The following DMD variants were observed in gnomAD, a reference collection of about 807,000 sequenced individuals.
DMD encodes the protein dystrophin.
In DMD, 63 loss-of-function variants were observed where a neutral mutation model predicts 330.1. That is an observed-to-expected ratio of 0.19 (90% CI 0.16 to 0.24). The LOEUF (loss-of-function observed/expected upper bound fraction) is 0.24. Ranked by LOEUF, DMD falls within the 10% of genes least tolerant of loss-of-function variation. The probability of loss-of-function intolerance (pLI) is 1.00; values close to 1 mark genes in which losing one functional copy is unlikely to be tolerated. For missense variants in DMD, 3,344 were observed against 2,684.1 expected, an observed-to-expected ratio of 1.25 and a Z score of -5.43; for synonymous variants, 1,223 against 959.8, an observed-to-expected ratio of 1.27 and a Z score of -5.07.
At chrX:33,191,515 C>T (rs1386852303) in intron 1 of DMD, among the ~76,000 whole-genome samples, 1 of 110,906 alleles carries the variant, frequency 9.0e-6, no homozygotes, top group Non-Finnish European at 1.9e-5. Context: ...CCTCTGCCTC[C>T]TGGGTTCAAC....
At chrX:31,954,474 A>T (rs2095222568) in intron 45 of DMD, among the ~76,000 whole-genome samples, 1 of 111,731 alleles carries the variant, frequency 9.0e-6, no homozygotes, top group Middle Eastern at 4.2e-3. Context: ...TATTCTCCAA[A>T]TTCCACACCA....
At chrX:31,660,797 A>C (rs765717917) in intron 53 of DMD, among the ~76,000 whole-genome samples, 59 of 111,779 alleles carry the variant, frequency 5.3e-4, no homozygotes, top group Admixed American at 2.3e-3. Context: ...CCTGTTTGAA[A>C]AGTCTAGATA....
intron 44 of DMD, among the ~76,000 whole-genome samples, chrX:32,058,662 T>G (rs1416053632): frequency 9.2e-6 from 1 of 108,856 alleles, no homozygotes; most frequent in Non-Finnish European, 1.9e-5. Flanking sequence ...TATAAAATTG[T>G]GCAGCTTTTG....
intron 54 of DMD, among the ~76,000 whole-genome samples, chrX:31,643,836 A>T (rs761690542): frequency 8.9e-6 from 1 of 111,948 alleles, no homozygotes; most frequent in South Asian, 3.7e-4. Flanking sequence ...ATACTTTCAT[A>T]GAATGTGGAC....
Position 32,767,033 on chromosome X carries a change from A to G in DMD, c.649+42460T>C, listed in dbSNP as rs1031670825. Among the ~76,000 whole-genome samples, 10 of 111,636 alleles carry G rather than the reference A, an allele frequency of 9.0e-5. No individual in the cohort carries two copies. In the Admixed American group the frequency reaches 9.5e-4, roughly 11 times the overall value. Reference sequence around the variant, plus strand: ...ATACCATTAAACAAAACTACTCCGCATTATAGGCATAGTAATAGGATTACA... The same window carrying G: ...ATACCATTAAACAAAACTACTCCGCGTTATAGGCATAGTAATAGGATTACA... On this transcript the variant is annotated intron_variant, in intron 7 of 78. Coordinates refer to ENST00000357033, the MANE Select transcript of DMD (RefSeq NM_004006.3).
At chrX:32,704,735 G>A (rs1185704753) in intron 7 of DMD, among the ~76,000 whole-genome samples, 1 of 111,755 alleles carries the variant, frequency 8.9e-6, no homozygotes, top group East Asian at 2.8e-4. Context: ...AATTCACTGA[G>A]AAGAAAAGGA....
Position 32,394,427 on chromosome X carries a change from G to T in DMD, c.4234-4246C>A, listed in dbSNP as rs1335515257. ...ATTTTCTCATGTCTAGCCCAAGAAT[G>T]ATAATAGCAAGCCAGCAATGAAGTT... On this transcript the variant is annotated intron_variant, in intron 30 of 78. Coordinates refer to ENST00000357033, the MANE Select transcript of DMD (RefSeq NM_004006.3). 2.7e-5 allele frequency among the ~76,000 whole-genome samples: 3 copies of T among 112,018 alleles called. No homozygotes were observed. In the East Asian group the frequency reaches 8.5e-4, roughly 32 times the overall value.
At chrX:32,233,565 T>A (rs2097176057) in intron 43 of DMD, among the ~76,000 whole-genome samples, 1 of 110,647 alleles carries the variant, frequency 9.0e-6, no homozygotes, top group Non-Finnish European at 1.9e-5. Context: ...ATATAGAGCA[T>A]TCCCAATCCA....
At chrX:31,988,403 A>G (rs1176524362) in intron 44 of DMD, among the ~76,000 whole-genome samples, 13 of 91,674 alleles carry the variant, frequency 1.4e-4, no homozygotes, top group Non-Finnish European at 2.7e-4. Context: ...GAACCCGGGC[A>G]GTGGAGCTTG....
intron 9 of DMD, among the ~76,000 whole-genome samples, chrX:32,651,983 A>G (rs1217284060): frequency 9.0e-6 from 1 of 111,388 alleles, no homozygotes; most frequent in Non-Finnish European, 1.9e-5. Flanking sequence ...ATTCTTCACT[A>G]TTGCAGAACC....
chrX:32,454,373 G>A (rs1419776796), intron 26 of DMD, among the ~76,000 whole-genome samples: 1 of 111,067 alleles, frequency 9.0e-6, no homozygotes, highest in African/African-American at 3.3e-5. Context: ...GACAGTTAAT[G>A]AAATGAGTTG....
intron 43 of DMD, among the ~76,000 whole-genome samples, chrX:32,242,784 T>A (rs926030588): frequency 9.1e-6 from 1 of 110,449 alleles, no homozygotes; most frequent in African/African-American, 3.3e-5. Flanking sequence ...TAGAACGCAT[T>A]GGCATAGATA....
chrX:32,236,395 C>G (rs1216623690), intron 43 of DMD, among the ~76,000 whole-genome samples: 1 of 112,066 alleles, frequency 8.9e-6, no homozygotes, highest in Non-Finnish European at 1.9e-5. Context: ...GAGTTTGTGA[C>G]CTTTCACAAT....
chrX:31,349,705 T>C (rs1003305435), intron 60 of DMD, among the ~76,000 whole-genome samples: 2 of 111,940 alleles, frequency 1.8e-5, no homozygotes, highest in East Asian at 5.6e-4. Context: ...TACTTACTTA[T>C]TTGGCATTTT....
At position 31,483,268 on chromosome X, in the gene DMD, C is replaced by A. The variant is rs112656388; in HGVS notation, c.8548-4165G>T. Among the ~76,000 whole-genome samples, 102 of 108,376 alleles carry A rather than the reference C, an allele frequency of 9.4e-4. No homozygotes were observed. In the East Asian group the frequency reaches 0.013, roughly 14 times the overall value. 94.1% of individuals were successfully genotyped at this position (108,376 alleles called of 115,157 possible). ...TCACCGTGTTAGCCAGGATGGTCTCCATCTCCCAACCTCGTGATCTGCCCG... is the reference window on the plus strand; with the variant it reads ...TCACCGTGTTAGCCAGGATGGTCTCAATCTCCCAACCTCGTGATCTGCCCG... On this transcript the variant is annotated intron_variant, in intron 57 of 78. Transcript: ENST00000357033.
At chrX:31,397,953 C>T (rs2061019019) in intron 60 of DMD, among the ~76,000 whole-genome samples, 1 of 112,380 alleles carries the variant, frequency 8.9e-6, no homozygotes, top group African/African-American at 3.2e-5. Flanking sequence ...AACGGGTAAA[C>T]ACATAAAAAA....
chrX:32,314,765 C>T (rs145801785), intron 41 of DMD, among the ~76,000 whole-genome samples: 1,367 of 111,493 alleles, frequency 0.012, 22 homozygotes, highest in African/African-American at 0.042. Context: ...GACATTTACG[C>T]GGCCAACAAA....
At chrX:32,608,378 A>G (rs147590595) in intron 12 of DMD, among the ~76,000 whole-genome samples, 43 of 110,643 alleles carry the variant, frequency 3.9e-4, no homozygotes, top group African/African-American at 1.4e-3. Flanking sequence ...TCTTTTTTAC[A>G]TAAACTTCCA....
chrX:32,017,627 CAT>C (rs1187169995), intron 44 of DMD, among the ~76,000 whole-genome samples: 2 of 111,612 alleles, frequency 1.8e-5, no homozygotes, highest in Non-Finnish European at 3.8e-5. Context: ...AAGTAAATGA[CAT>C]ATGTAACGAG....
Sources: allele counts gnomAD v4.1 joint callset (sites outside exome capture counted in the v4.1 genomes callset), GRCh38; gene constraint gnomAD v4.1.1; transcripts MANE v1.5; gene names NCBI Gene and HGNC (gene_info 2026-07-23, HGNC 2026-07-21).